ZNF618: variants seen among roughly 807,000 people sequenced by gnomAD.
The protein encoded by ZNF618 is zinc finger protein 618.
A neutral mutation model predicts 103.0 loss-of-function variants in ZNF618; 34 were observed. That is an observed-to-expected ratio of 0.33 (90% CI 0.25 to 0.44). The LOEUF (loss-of-function observed/expected upper bound fraction) is 0.44. Ranked by LOEUF, ZNF618 falls within the 20% of genes least tolerant of loss-of-function variation. The probability of loss-of-function intolerance (pLI) is 1.00; values close to 1 mark genes in which losing one functional copy is unlikely to be tolerated. For missense variants in ZNF618, 1,059 were observed against 1,295.4 expected (o/e 0.82, Z 2.80); for synonymous variants, 551 against 542.2 (o/e 1.02, Z -0.23).
Position 113,988,395 on chromosome 9 carries a change from G to C in ZNF618, c.152G>C (p.Ser51Thr). 1 of 1,613,648 alleles carries C rather than the reference G, an allele frequency of 6.2e-7. No individual in the cohort carries two copies. The highest frequency in any genetic ancestry group is 8.5e-7 in the Non-Finnish European group (1 of 1,179,880). The part of the protein sequence containing the change: ...PEPVPAEASL[S>T]AEQGTMTEVK... Reference sequence around the variant, plus strand: ...CCAGTGCCAGCCGAGGCCTCGCTGAGTGCCGAGCAAGGAACGATGACGGAG... The same window carrying C: ...CCAGTGCCAGCCGAGGCCTCGCTGACTGCCGAGCAAGGAACGATGACGGAG... Residue 51 changes from serine to threonine, a missense_variant, in exon 3 of 15, where the codon AGT becomes ACT. By Grantham distance (58) the Ser-to-Thr change is moderately conservative. Coordinates refer to ENST00000374126, the MANE Select transcript of ZNF618 (RefSeq NM_001318042.2).
intron 2 of ZNF618, among the ~76,000 whole-genome samples, chr9:113,985,011 C>T (rs1268997325): frequency 6.6e-6 from 1 of 152,170 alleles, no homozygotes; most frequent in African/African-American, 2.4e-5. Flanking sequence ...GCATCTTCTG[C>T]ACATGCCCCT....
chr9:113,971,304 A>AGGGGCGT (rs1241962702), intron 2 of ZNF618, among the ~76,000 whole-genome samples: 4 of 151,992 alleles, frequency 2.6e-5, no homozygotes, highest in Admixed American at 2.6e-4. Context: ...GGCCCTGCTT[A>AGGGGCGT]GGGGCGTATA....
intron 1 of ZNF618, among the ~76,000 whole-genome samples, chr9:113,952,427 A>G (rs1835866275): frequency 6.6e-6 from 1 of 152,204 alleles, no homozygotes; most frequent in African/African-American, 2.4e-5. Flanking sequence ...CCCTGATGAC[A>G]GCCTCTCATG....
chr9:113,900,987 GCAAACC>G lies in ZNF618; in HGVS notation c.33+24576_33+24581del, dbSNP rs1400604601. Reference sequence around the variant, plus strand: ...CTGTCTCCTAGCACCGTCCTCTCCCGCAAACCCGACCTCCTGTCTCCTAGCACCGTC... The same window carrying G: ...CTGTCTCCTAGCACCGTCCTCTCCCGCGACCTCCTGTCTCCTAGCACCGTC... On this transcript the variant is annotated intron_variant, in intron 1 of 14. Coordinates refer to ENST00000374126, the MANE Select transcript of ZNF618 (RefSeq NM_001318042.2). Among the ~76,000 whole-genome samples the G allele has an allele frequency of 6.8e-4, 36 of 52,750 alleles. 7 individuals carry two copies. Among genetic ancestry groups the G allele is most frequent in the African/African-American group, 2.6e-3 (33 of 12,652 alleles). The allele number at this position is 52,750 out of a possible 152,430, so 34.6% of individuals were successfully genotyped here. A position where few individuals can be genotyped will look rare whatever the true frequency, so the allele number is the denominator to read the frequency against.
chr9:113,994,542 T>C (rs1423828269), intron 3 of ZNF618, among the ~76,000 whole-genome samples: 2 of 152,242 alleles, frequency 1.3e-5, no homozygotes, highest in African/African-American at 4.8e-5. Flanking sequence ...TTTACCCTAC[T>C]GTGGGGACTT....
chr9:113,947,483 A>G (rs1348124076), intron 1 of ZNF618, among the ~76,000 whole-genome samples: 24 of 152,188 alleles, frequency 1.6e-4, no homozygotes, highest in Admixed American at 1.6e-3. Flanking sequence ...TGAGATGTCC[A>G]TCTTATTACT....
At position 113,917,919 on chromosome 9, in the gene ZNF618, T is replaced by G. The variant is rs544651130; in HGVS notation, c.33+41506T>G. Among the ~76,000 whole-genome samples, 3 of 152,334 alleles carry G rather than the reference T, an allele frequency of 2.0e-5. No homozygotes were observed. The East Asian group carries it at 5.8e-4, about 29-fold the overall frequency. ...TTAATATTTACACAAGAAATTGGAT[T>G]AATATAATACTGTTAACTAACCTGT... On this transcript the variant is annotated intron_variant, in intron 1 of 14. Transcript: ENST00000374126.
At chr9:113,913,818 C>G (rs1372896456) in intron 1 of ZNF618, among the ~76,000 whole-genome samples, 1 of 152,162 alleles carries the variant, frequency 6.6e-6, no homozygotes, top group Non-Finnish European at 1.5e-5. Context: ...AAGTCCCTTT[C>G]TCTCCTAATC....
intron 1 of ZNF618, among the ~76,000 whole-genome samples, chr9:113,940,434 A>G (rs923454947): frequency 6.6e-6 from 1 of 152,164 alleles, no homozygotes; most frequent in African/African-American, 2.4e-5. Flanking sequence ...ATTTCTGGAA[A>G]GTATGCTTAA....
intron 9 of ZNF618, among the ~76,000 whole-genome samples, chr9:114,011,050 A>G (rs1434220459): frequency 2.0e-5 from 3 of 152,206 alleles, no homozygotes; most frequent in Non-Finnish European, 4.4e-5. Flanking sequence ...TCCAAGGTGT[A>G]GGGAGACCTG....
rs1845900027 is a variant in ZNF618, at chr9:114,048,983, G to A, written c.1681G>A (p.Asp561Asn). 4 of 1,613,288 alleles carry A rather than the reference G, an allele frequency of 2.5e-6. No individual in the cohort carries two copies. Among genetic ancestry groups the A allele is most frequent in the East Asian group, 2.2e-5 (1 of 44,860 alleles). Residue 561 changes from aspartate (D) to asparagine (N), a missense_variant, in exon 15 of 15, where the codon GAC becomes AAC. By Grantham distance (23) the Asp-to-Asn change is conservative. Transcript: ENST00000374126. Reference sequence around the variant, plus strand: ...CTGCCACTCCCAGAGTGTTGGCCCTGACTCCTGCTACATCCTCACAGCCTA... The same window carrying A: ...CTGCCACTCCCAGAGTGTTGGCCCTAACTCCTGCTACATCCTCACAGCCTA... ...VTCHSQSVGP[D>N]SCYILTAYQA...
At chr9:113,966,716 C>T (rs1198204790) in intron 1 of ZNF618, among the ~76,000 whole-genome samples, 3 of 152,158 alleles carry the variant, frequency 2.0e-5, no homozygotes, top group Non-Finnish European at 2.9e-5. Flanking sequence ...CCCACTGAAT[C>T]CATTGTCCAT....
intron 1 of ZNF618, among the ~76,000 whole-genome samples, chr9:113,951,650 G>A (rs1056730497): frequency 1.3e-5 from 2 of 150,158 alleles, no homozygotes; most frequent in Non-Finnish European, 3.0e-5. Context: ...ATTAACTCTA[G>A]TATTTCCAGA....
rs1225551739 is a variant in ZNF618, at chr9:113,876,395, C to A, written c.15C>A (p.Gly5=). MNQP[G]GAAAPQADGA... Reference sequence around the variant, plus strand: ...CGCACGGACCCATGAACCAGCCGGGCGGCGCGGCGGCTCCGCAGGTACGAC... The same window carrying A: ...CGCACGGACCCATGAACCAGCCGGGAGGCGCGGCGGCTCCGCAGGTACGAC... Residue 5 remains glycine, a synonymous_variant, in exon 1 of 15, where the codon GGC becomes GGA. Transcript: ENST00000374126. The A allele has an allele frequency of 8.3e-7, 1 of 1,197,892 alleles. No homozygotes were observed. The allele number at this position is 1,197,892 out of a possible 1,614,324, so 74.2% of individuals were successfully genotyped here. A position where few individuals can be genotyped will look rare whatever the true frequency, so the allele number is the denominator to read the frequency against.
At chr9:114,030,504 G>A (rs1047259784) in intron 11 of ZNF618, among the ~76,000 whole-genome samples, 3 of 152,316 alleles carry the variant, frequency 2.0e-5, no homozygotes, top group East Asian at 3.9e-4. Context: ...GGTGTGGTAC[G>A]TGGCCGGTCT....
intron 13 of ZNF618, among the ~76,000 whole-genome samples, chr9:114,040,321 G>A (rs960678650): frequency 6.7e-6 from 1 of 150,014 alleles, no homozygotes; most frequent in African/African-American, 2.4e-5. Flanking sequence ...AGTAAGAAAG[G>A]CTACTTGTTT....
intron 10 of ZNF618, among the ~76,000 whole-genome samples, chr9:114,025,913 G>A (rs886069860): frequency 6.6e-6 from 1 of 152,232 alleles, no homozygotes; most frequent in Admixed American, 6.5e-5. Context: ...CAGGGAACGT[G>A]CCAAACACTC....
At chr9:113,970,810 C>T (rs899670023) in intron 2 of ZNF618, among the ~76,000 whole-genome samples, 2 of 150,954 alleles carry the variant, frequency 1.3e-5, no homozygotes, top group African/African-American at 2.4e-5. Flanking sequence ...TTTCATTATT[C>T]GTTATTTCAT....
intron 1 of ZNF618, among the ~76,000 whole-genome samples, chr9:113,943,710 C>T (rs957063670): frequency 4.6e-5 from 7 of 152,024 alleles, no homozygotes; most frequent in South Asian, 2.1e-4. Flanking sequence ...AGTCCCACTC[C>T]GGGCCATTGG....
Sources: allele counts gnomAD v4.1 joint callset (sites outside exome capture counted in the v4.1 genomes callset), GRCh38; gene constraint gnomAD v4.1.1; transcripts MANE v1.5; gene names NCBI Gene and HGNC (gene_info 2026-07-23, HGNC 2026-07-21).